Variants in ARHGAP35 observed in about 807,000 individuals in gnomAD.
ARHGAP35 encodes Rho GTPase activating protein 35.
Under a neutral mutation model 111.1 loss-of-function variants are expected in ARHGAP35, and 15 were observed. The ratio of observed to expected loss-of-function variants is 0.13; its 90% CI spans 0.09 to 0.21. The LOEUF (loss-of-function observed/expected upper bound fraction) is 0.21. Ranked by LOEUF, ARHGAP35 falls within the 10% of genes least tolerant of loss-of-function variation. The pLI is 1.00. For missense variants in ARHGAP35, 1,262 were observed against 1,873.0 expected, an observed-to-expected ratio of 0.67 and a Z score of 6.02; for synonymous variants, 643 against 710.3, an observed-to-expected ratio of 0.91 and a Z score of 1.51.
At chr19:46,872,273 A>G (rs2055891674) in intron 1 of ARHGAP35, among the ~76,000 whole-genome samples, 1 of 152,174 alleles carries the variant, frequency 6.6e-6, no homozygotes, top group Non-Finnish European at 1.5e-5. Flanking sequence ...ATTTTAAAAT[A>G]TATATGTGAA....
intron 3 of ARHGAP35, among the ~76,000 whole-genome samples, chr19:46,954,009 G>T (rs550420189): frequency 3.9e-5 from 6 of 152,272 alleles, no homozygotes; most frequent in African/African-American, 1.4e-4. Flanking sequence ...TTGTGTTAGG[G>T]ATACTGTTTC....
intron 1 of ARHGAP35, among the ~76,000 whole-genome samples, chr19:46,882,383 C>T (rs1313706111): frequency 6.6e-6 from 1 of 152,120 alleles, no homozygotes; most frequent in African/African-American, 2.4e-5. Flanking sequence ...AGCAGTTGTC[C>T]CGCCTTGGCC....
intron 1 of ARHGAP35, among the ~76,000 whole-genome samples, chr19:46,884,860 T>TGC (rs954896876): frequency 6.6e-6 from 1 of 152,044 alleles, no homozygotes; most frequent in African/African-American, 2.4e-5. Context: ...AGACTACAGG[T>TGC]GCGCACCCAC....
chr19:46,917,539 C>T (rs898722911), intron 1 of ARHGAP35, among the ~76,000 whole-genome samples: 6 of 152,056 alleles, frequency 3.9e-5, no homozygotes, highest in African/African-American at 1.2e-4. Context: ...ACCCAGGAGA[C>T]GGAAGTTGCA....
Position 46,950,300 on chromosome 19 carries a change from C to T in ARHGAP35, c.3826+12892C>T, listed in dbSNP as rs115292552. On this transcript the variant is annotated intron_variant, in intron 3 of 6. Transcript: ENST00000672722. ...GTAGACTTTCATCATGTGAATATTC[C>T]ACAATTTCTTTCTTTCTTCCACTCT... is the stretch of plus-strand genomic sequence containing the variant. 1.6e-3 allele frequency among the ~76,000 whole-genome samples: 248 copies of T among 152,198 alleles called. 1 individual carries two copies. Among genetic ancestry groups the T allele is most frequent in the African/African-American group, 5.8e-3 (239 of 41,514 alleles).
In ARHGAP35 at chr19:46,862,184, G is replaced by T. The variant is rs117114735; in HGVS notation, c.-189+975G>T. Among the ~76,000 whole-genome samples, 7 of 151,888 alleles carry T rather than the reference G, an allele frequency of 4.6e-5. No homozygotes were observed. The East Asian group carries it at 1.4e-3, about 29-fold the overall frequency. ...CCCTCACCTGCTTGCTTCTGACTCT[G>T]CCTTCCCGGGAAGCAGCCTCCTCCC... is the stretch of plus-strand genomic sequence containing the variant. On this transcript the variant is annotated intron_variant, in intron 1 of 6. Transcript: ENST00000672722.
At position 46,992,070 on chromosome 19, in the gene ARHGAP35, A is replaced by G. The variant is rs2056682151; in HGVS notation, c.4036+2395A>G. On this transcript the variant is annotated intron_variant, in intron 5 of 6. Coordinates refer to ENST00000672722, the MANE Select transcript of ARHGAP35 (RefSeq NM_004491.5). This position sits in a 1 kb window ranked among gnomAD's most constrained non-coding sequence, Gnocchi z 4.4. The stretch of plus-strand genomic sequence containing the variant: ...TATTTGCCAGTTATTTTCCTCCCAC[A>G]CTCAAGGTGACACGTGGGAGATTCA... Among the ~76,000 whole-genome samples, 1 of 152,138 alleles carries G rather than the reference A, an allele frequency of 6.6e-6. No individual in the cohort carries two copies. The highest frequency in any genetic ancestry group is 1.5e-5 in the Non-Finnish European group (1 of 68,040).
rs368838667 is a variant in ARHGAP35, at chr19:46,921,662, T to C, written c.2987T>C (p.Phe996Ser). The C allele has an allele frequency of 1.1e-5, 18 of 1,614,000 alleles. No homozygotes were observed. The African/African-American group carries it at 2.3e-4, about 20-fold the overall frequency. The change falls in exon 2 of 7, where the codon TTT becomes TCT. Residue 996 changes from phenylalanine (F) to serine (S), a missense_variant. Transcript: ENST00000672722. This position sits in a 1 kb window ranked among gnomAD's most constrained non-coding sequence, Gnocchi z 4.3. ...GATATCGAGCCATCTTACAGCCTGT[T>C]TCGAGAAGACACATCACTGCCTTCT... ...EEDIEPSYSL[F>S]REDTSLPSLS... is the part of the protein sequence containing the mutation.
At chr19:46,874,501 C>CTTTTT (rs758783354) in intron 1 of ARHGAP35, among the ~76,000 whole-genome samples, 13 of 114,448 alleles carry the variant, frequency 1.1e-4, no homozygotes, top group African/African-American at 1.7e-4. Context: ...TATGTTTTGT[C>CTTTTT]TTTTTTTTTT....
intron 1 of ARHGAP35, among the ~76,000 whole-genome samples, chr19:46,893,907 A>G (rs1374682812): frequency 7.1e-6 from 1 of 141,640 alleles, no homozygotes; most frequent in Non-Finnish European, 1.5e-5. Context: ...TTTTTTTTTA[A>G]GATTTCAAAC....
Position 46,945,326 on chromosome 19 carries a change from C to T in ARHGAP35, c.3826+7918C>T, listed in dbSNP as rs1471372727. On this transcript the variant is annotated intron_variant, in intron 3 of 6. Coordinates refer to ENST00000672722, the MANE Select transcript of ARHGAP35 (RefSeq NM_004491.5). The surrounding 1 kb of genome is among the most constrained non-coding windows in gnomAD (Gnocchi z 4.1). ...TGCTCCCTTCTGCAGCAGTGTGGCTCCTAATGACAGAGAACATTGGCCAAG... is the reference window on the plus strand; with the variant it reads ...TGCTCCCTTCTGCAGCAGTGTGGCTTCTAATGACAGAGAACATTGGCCAAG... 6.6e-6 allele frequency among the ~76,000 whole-genome samples: 1 copy of T among 152,140 alleles called. No homozygotes were observed. Among genetic ancestry groups the T allele is most frequent in the Non-Finnish European group, 1.5e-5 (1 of 68,030 alleles).
At chr19:46,933,310 AT>A (rs1444182677) in intron 2 of ARHGAP35, among the ~76,000 whole-genome samples, 1 of 151,178 alleles carries the variant, frequency 6.6e-6, no homozygotes, top group African/African-American at 2.4e-5. Flanking sequence ...CACCCAGATA[AT>A]TTTTTTGTAA....
At chr19:46,875,529 TGTTA>T (rs2055913931) in intron 1 of ARHGAP35, among the ~76,000 whole-genome samples, 1 of 152,184 alleles carries the variant, frequency 6.6e-6, no homozygotes. Context: ...ACTTTCCTAT[TGTTA>T]GTTTTCATTT....
chr19:46,894,622 T>TCC (rs2056044189), intron 1 of ARHGAP35, among the ~76,000 whole-genome samples: 1 of 151,930 alleles, frequency 6.6e-6, no homozygotes, highest in African/African-American at 2.4e-5. Flanking sequence ...ATTTTTGTAT[T>TCC]TTTATTGGAG....
rs2056693062 is a variant in ARHGAP35, at chr19:46,993,999, G to A, written c.4036+4324G>A. Reference sequence around the variant, plus strand: ...AGGGCAGGCTGAGGGAGCAGAGGATGTGAGGATCGGGCCCTCCACAGTCTG... The same window carrying A: ...AGGGCAGGCTGAGGGAGCAGAGGATATGAGGATCGGGCCCTCCACAGTCTG... On this transcript the variant is annotated intron_variant, in intron 5 of 6. Transcript: ENST00000672722. This position sits in a 1 kb window ranked among gnomAD's most constrained non-coding sequence, Gnocchi z 4.6. 6.6e-6 allele frequency among the ~76,000 whole-genome samples: 1 copy of A among 152,236 alleles called. No individual in the cohort carries two copies.
At chr19:46,890,102 T>C (rs963964254) in intron 1 of ARHGAP35, among the ~76,000 whole-genome samples, 1 of 152,224 alleles carries the variant, frequency 6.6e-6, no homozygotes, top group Non-Finnish European at 1.5e-5. Context: ...CTACAACCAC[T>C]GGCTTAGAGT....
intron 3 of ARHGAP35, among the ~76,000 whole-genome samples, chr19:46,980,902 G>C (rs1177304269): frequency 6.6e-6 from 1 of 152,156 alleles, no homozygotes; most frequent in Non-Finnish European, 1.5e-5. Context: ...ATACCACCAG[G>C]GGATGAGGTG....
chr19:46,985,931 C>G (rs1183137947), intron 3 of ARHGAP35, among the ~76,000 whole-genome samples: 1 of 152,156 alleles, frequency 6.6e-6, no homozygotes, highest in Non-Finnish European at 1.5e-5. Flanking sequence ...TTTTATCTTG[C>G]CTGATGGCTG....
At chr19:46,941,968 A>G (rs1409482716) in intron 3 of ARHGAP35, among the ~76,000 whole-genome samples, 2 of 152,180 alleles carry the variant, frequency 1.3e-5, no homozygotes, top group South Asian at 2.1e-4. Flanking sequence ...TTCAAGAAAA[A>G]AATGACCATA....
Sources: gnomAD v4.1 joint callset for allele counts (sites outside exome capture counted in the v4.1 genomes callset) on GRCh38, gnomAD v4.1.1 for gene constraint, Gnocchi (gnomAD v3.1) non-coding constraint, MANE v1.5 for transcripts, NCBI Gene and HGNC (gene_info 2026-07-23, HGNC 2026-07-21) for gene names.